The following MYLK4 variants were observed in gnomAD, a reference collection of about 807,000 sequenced individuals.
MYLK4 encodes myosin light chain kinase family member 4, also known as caMLCK like.
Under a neutral mutation model 48.1 loss-of-function variants are expected in MYLK4, and 46 were observed. The observed-to-expected ratio is 0.96, with a 90% CI of 0.75 to 1.22. The LOEUF (loss-of-function observed/expected upper bound fraction) is 1.22, where lower values mean the gene tolerates loss of function less well. MYLK4 is among the 50% of genes most tolerant of loss of function. The probability of loss-of-function intolerance (pLI) is 0.00; values close to 1 mark genes in which losing one functional copy is unlikely to be tolerated. For missense variants in MYLK4, 451 were observed against 486.1 expected (o/e 0.93, Z 0.68); for synonymous variants, 170 against 180.8 (o/e 0.94, Z 0.48).
At chr6:2,700,041 C>T (rs1189345949) in intron 2 of MYLK4, among the ~76,000 whole-genome samples, 1 of 152,130 alleles carries the variant, frequency 6.6e-6, no homozygotes, top group African/African-American at 2.4e-5. Context: ...TTTTATTTTC[C>T]CCCATCTTAT....
Position 2,685,478 on chromosome 6 carries a change from T to C in MYLK4, c.435+5A>G, listed in dbSNP as rs377712015. 213 of 1,614,080 alleles carry C rather than the reference T, an allele frequency of 1.3e-4. No individual in the cohort carries two copies. In the African/African-American group the frequency reaches 2.5e-3, roughly 19 times the overall value. On this transcript the variant is annotated splice_donor_5th_base_variant and intron_variant, in intron 5 of 12. Transcript: ENST00000274643. This position sits in a 1 kb window ranked among gnomAD's most constrained non-coding sequence, Gnocchi z 4.5. The stretch of plus-strand genomic sequence containing the variant: ...AGGGAGGGGACCACCTCCCACAGGC[T>C]GTACCTTGTCCTTCATGCCTCTGGT...
intron 6 of MYLK4, among the ~76,000 whole-genome samples, chr6:2,684,942 T>C (rs905230326): frequency 2.6e-5 from 4 of 152,238 alleles, no homozygotes; most frequent in Non-Finnish European, 5.9e-5. Flanking sequence ...TCATCACCAG[T>C]TGTTGACATG....
At chr6:2,678,455 T>C in intron 9 of MYLK4, 83 bp from the exon 10 acceptor site, 1 of 1,451,776 alleles carries the variant, frequency 6.9e-7, no homozygotes, top group South Asian at 1.3e-5. Context: ...GGTTGTGCCA[T>C]TTAAAGGTGA....
At position 2,678,268 on chromosome 6, in the gene MYLK4, G is replaced by A. The variant is rs758227194; in HGVS notation, c.992C>T (p.Ser331Leu). ...AGAGATGAACTCCTTGGCCTCCTCC[G>A]AGATGTCCTGAAATTCTTCATCCTC... The part of the protein sequence containing the change: ...DLEDEEFQDI[S>L]EEAKEFISKL... The change falls in exon 10 of 13, where the codon TCG (serine) becomes TTG (leucine). Residue 331 changes from serine (S) to leucine (L), a missense_variant. Coordinates refer to ENST00000274643, the MANE Select transcript of MYLK4 (RefSeq NM_001012418.5). The A allele has an allele frequency of 1.7e-5, 28 of 1,613,966 alleles. No individual in the cohort carries two copies. Among genetic ancestry groups the A allele is most frequent in the Admixed American group, 6.7e-5 (4 of 59,990 alleles).
At chr6:2,726,168 T>C (rs1024041887) in intron 2 of MYLK4, among the ~76,000 whole-genome samples, 1 of 152,174 alleles carries the variant, frequency 6.6e-6, no homozygotes, top group African/African-American at 2.4e-5. Flanking sequence ...AATCTACATA[T>C]CCAGTGTGTT....
intron 9 of MYLK4, 143 bp from the exon 10 acceptor site, chr6:2,678,515 G>A (rs1761172439): frequency 2.1e-6 from 2 of 950,958 alleles, no homozygotes; most frequent in Admixed American, 3.0e-5. Flanking sequence ...ACATATTATT[G>A]TAATCAAGAA....
chr6:2,685,357 T>G lies in MYLK4; in HGVS notation c.484A>C (p.Asn162His). The change falls in exon 6 of 13, where the codon AAC becomes CAC. Residue 162 changes from asparagine (N) to histidine (H), a missense_variant. Physicochemically the swap from Asn to His is moderately conservative, Grantham distance 68 (BLOSUM62 1). Transcript: ENST00000274643. This position sits in a 1 kb window ranked among gnomAD's most constrained non-coding sequence, Gnocchi z 4.5. Reference protein sequence around the residue: ...ISVMNQLDHANLIQLYDAFES... With the variant: ...ISVMNQLDHAHLIQLYDAFES... ...AAGGCATCGTACAGCTGGATGAGGT[T>G]CGCGTGGTCCAGCTGGTTCATGACG... 1 of 1,611,046 alleles carries G rather than the reference T, an allele frequency of 6.2e-7. No homozygotes were observed. The highest frequency in any genetic ancestry group is 8.5e-7 in the Non-Finnish European group (1 of 1,178,460).
intron 2 of MYLK4, among the ~76,000 whole-genome samples, chr6:2,717,669 A>G (rs1447558399): frequency 6.6e-6 from 1 of 152,236 alleles, no homozygotes; most frequent in Non-Finnish European, 1.5e-5. Context: ...TTGTGGGTAG[A>G]CATTATTTTT....
chr6:2,719,370 C>T (rs562645473), intron 2 of MYLK4, among the ~76,000 whole-genome samples: 6 of 152,262 alleles, frequency 3.9e-5, no homozygotes, highest in African/African-American at 1.2e-4. Flanking sequence ...GCATAATCCC[C>T]CCAACACATG....
rs749055864 is a variant in MYLK4 at position 2,682,978 on chromosome 6, G to C, written c.687+43C>G. ...AGCAGACAGGGCCCACTGTGCAAGA[G>C]CTGGGAAGGGCTTACGTCTCACAGG... is the stretch of plus-strand genomic sequence containing the variant. On this transcript the variant is annotated intron_variant, in intron 7 of 12. Transcript: ENST00000274643. 7.4e-6 allele frequency: 12 copies of C among 1,612,882 alleles called. No individual in the cohort carries two copies. The South Asian group carries it at 8.8e-5, about 12-fold the overall frequency.
chr6:2,761,251 G>A, the MYLK4 span, among the ~76,000 whole-genome samples: 14,044 of 151,976 alleles, frequency 0.092, 794 homozygotes, highest in Middle Eastern at 0.16. Flanking sequence ...AACCACCGAG[G>A]CCAGCTGCAG....
At chr6:2,678,056 A>C (rs969550429) in intron 10 of MYLK4, among the ~76,000 whole-genome samples, 164 bp downstream of exon 10, 3 of 152,244 alleles carry the variant, frequency 2.0e-5, no homozygotes, top group African/African-American at 7.2e-5. Context: ...AAGCAGTCCC[A>C]GATCTCAGTA....
chr6:2,700,564 T>C (rs1048656592), intron 2 of MYLK4, among the ~76,000 whole-genome samples: 1 of 152,118 alleles, frequency 6.6e-6, no homozygotes, highest in Non-Finnish European at 1.5e-5. Context: ...CTATCCAGGA[T>C]GGACTATCTA....
chr6:2,694,556 CGTGGTGGTAGTGGTAGTGCT>C (rs1761973503), intron 2 of MYLK4, among the ~76,000 whole-genome samples: 1 of 3,068 alleles, frequency 3.3e-4, no homozygotes, highest in Non-Finnish European at 6.1e-4. Context: ...TGGTGGTAGT[CGTGGTGGTAGTGGTAGTGCT>C]GCTGGTGGTG....
chr6:2,692,478 T>C (rs1761840636), intron 3 of MYLK4, among the ~76,000 whole-genome samples: 1 of 152,086 alleles, frequency 6.6e-6, no homozygotes, highest in Admixed American at 6.5e-5. Flanking sequence ...ATGCAGGTGA[T>C]CAGTATAATT....
At chr6:2,722,887 A>C (rs1763120662) in intron 2 of MYLK4, among the ~76,000 whole-genome samples, 1 of 152,222 alleles carries the variant, frequency 6.6e-6, no homozygotes, top group South Asian at 2.1e-4. Flanking sequence ...TTAATTATGA[A>C]TGAATTGCCC....
chr6:2,765,249 A>C, the MYLK4 span, among the ~76,000 whole-genome samples: 1 of 134,476 alleles, frequency 7.4e-6, no homozygotes, highest in Non-Finnish European at 1.5e-5. Flanking sequence ...GACGCACGGC[A>C]GCTGGGGCGA....
chr6:2,765,883 G>A, the MYLK4 span: 7 of 1,450,374 alleles, frequency 4.8e-6, no homozygotes, highest in African/African-American at 5.9e-5. Flanking sequence ...CCACCCCGAC[G>A]GCAGCCGAGA....
At chr6:2,713,465 C>T (rs1762755326) in intron 2 of MYLK4, among the ~76,000 whole-genome samples, 1 of 152,112 alleles carries the variant, frequency 6.6e-6, no homozygotes, top group African/African-American at 2.4e-5. Context: ...AAGTTCTGCA[C>T]AAATGGAGCA....
Sources: allele counts gnomAD v4.1 joint callset (sites outside exome capture counted in the v4.1 genomes callset), GRCh38; gene constraint gnomAD v4.1.1; non-coding constraint Gnocchi (gnomAD v3.1); transcripts MANE v1.5; gene names NCBI Gene and HGNC (gene_info 2026-07-23, HGNC 2026-07-21).